Variants in RPS27A observed in about 807,000 individuals in gnomAD.
RPS27A encodes ubiquitin-ribosomal protein eS31 fusion protein.
In RPS27A, 1 loss-of-function variant was observed where a neutral mutation model predicts 18.9. That is an observed-to-expected ratio of 0.05 (90% confidence interval 0.02 to 0.25). The LOEUF is 0.25. Among genes scored for constraint, RPS27A ranks in the 10% least tolerant of loss-of-function variants. The pLI is 1.00. For missense variants in RPS27A, 123 were observed against 187.4 expected (o/e 0.66, Z 2.01); for synonymous variants, 77 against 63.7 (o/e 1.21, Z -0.99).
At position 55,233,244 on chromosome 2, in the gene RPS27A, T is replaced by G; in HGVS notation, c.49-119T>G. Reference sequence around the variant, plus strand: ...GGTTGCCCACTGGGTGGGTAATAGGTCTCTCGAGTAGGTCTCAGCCCTGTC... The same window carrying G: ...GGTTGCCCACTGGGTGGGTAATAGGGCTCTCGAGTAGGTCTCAGCCCTGTC... On this transcript the variant is annotated intron_variant, in intron 2 of 5. Coordinates refer to ENST00000272317, the MANE Select transcript of RPS27A (RefSeq NM_002954.6). 8.2e-6 allele frequency: 7 copies of G among 850,578 alleles called. No homozygotes were observed. In the South Asian group the frequency reaches 8.5e-5, roughly 10 times the overall value. The allele number at this position is 850,578 out of a possible 1,614,324, so 52.7% of individuals were successfully genotyped here.
chr2:55,232,982 C>A, intron 2 of RPS27A, 110 bp downstream of exon 2: 1 of 948,690 alleles, frequency 1.1e-6, no homozygotes, highest in Non-Finnish European at 1.7e-6. Flanking sequence ...AATTTGGGTT[C>A]TAAAACTTAA....
Position 55,235,001 on chromosome 2 carries a change from G to T in RPS27A, c.321+39G>T, listed in dbSNP as rs1269924530. The stretch of plus-strand genomic sequence containing the variant: ...AGGGCAGAATGTCAGCAAAGTCTTG[G>T]CTTATTTGGAAAACTTAATCTTTAT... On this transcript the variant is annotated intron_variant, in intron 5 of 5. Transcript: ENST00000272317. 4 of 1,607,782 alleles carry T rather than the reference G, an allele frequency of 2.5e-6. No homozygotes were observed. The African/African-American group carries it at 5.3e-5, about 21-fold the overall frequency.
At chr2:55,233,454 C>T (rs780883130) in intron 3 of RPS27A, 37 bp downstream of exon 3, 5 of 1,510,532 alleles carry the variant, frequency 3.3e-6, no homozygotes, top group East Asian at 2.3e-5. Context: ...ACTTAACCTG[C>T]GGAGACTTCG....
chr2:55,235,269 TTGTAGCAA>T (rs1377410223), intron 5 of RPS27A, 151 bp from the exon 6 acceptor site: 45 of 846,748 alleles, frequency 5.3e-5, no homozygotes, highest in Non-Finnish European at 7.7e-5. Context: ...AATGTTTTCA[TTGTAGCAA>T]TGATAACTGG....
chr2:55,233,584 A>AG, intron 3 of RPS27A, 167 bp downstream of exon 3: 1 of 659,172 alleles, frequency 1.5e-6, no homozygotes, highest in Non-Finnish European at 2.8e-6. Flanking sequence ...CACAGTACCT[A>AG]GATTGGAATC....
At chr2:55,232,500 A>AGTTT (rs1487456823), upstream of RPS27A, 1 of 448,472 alleles carries the variant, frequency 2.2e-6, no homozygotes, top group East Asian at 4.4e-5. Flanking sequence ...ACAGTTTCGA[A>AGTTT]AGCATTCCGA....
intron 3 of RPS27A, chr2:55,233,904 A>G (rs1675648588): frequency 9.8e-6 from 6 of 613,198 alleles, no homozygotes; most frequent in South Asian, 9.6e-5. Flanking sequence ...TATTGGTATT[A>G]CAGGTGTCAG....
intron 3 of RPS27A, chr2:55,233,794 A>G: frequency 2.1e-6 from 1 of 468,124 alleles, no homozygotes; most frequent in Admixed American, 3.4e-5. Flanking sequence ...ATGCCTGGCT[A>G]ATTTATTGTA....
Position 55,235,735 on chromosome 2 carries a change from C to A in RPS27A, c.*158C>A. The A allele has an allele frequency of 1.2e-6, 1 of 842,078 alleles. No individual in the cohort carries two copies. Among genetic ancestry groups the A allele is most frequent in the Non-Finnish European group, 1.9e-6 (1 of 525,274 alleles). 52.2% of individuals were successfully genotyped at this position (842,078 alleles called of 1,614,324 possible). A position where few individuals can be genotyped will look rare whatever the true frequency, so the allele number is the denominator to read the frequency against. ...AATGTTGCCTCTGGGGATTATGTGA[C>A]CCAGTGGTTCTGTATACCTGCCAGG... On this transcript the variant is annotated 3_prime_UTR_variant, in exon 6 of 6. Transcript: ENST00000272317.
intron 2 of RPS27A, 180 bp downstream of exon 2, chr2:55,233,052 G>A (rs951773640): frequency 2.9e-6 from 2 of 688,874 alleles, no homozygotes; most frequent in South Asian, 1.6e-5. Flanking sequence ...GGTGGCCAAA[G>A]GCTGGACCTG....
At chr2:55,233,451 C>G in intron 3 of RPS27A, 34 bp downstream of exon 3, 1 of 1,536,284 alleles carries the variant, frequency 6.5e-7, no homozygotes, top group Non-Finnish European at 9.0e-7. Flanking sequence ...AAAACTTAAC[C>G]TGCGGAGACT....
chr2:55,234,428 C>T (rs1675689310), intron 4 of RPS27A: 4 of 593,870 alleles, frequency 6.7e-6, no homozygotes, highest in Non-Finnish European at 1.2e-5. Flanking sequence ...TCTCAAACTC[C>T]TGGGCATAAG....
At chr2:55,234,368 C>T in intron 4 of RPS27A, 164 bp downstream of exon 4, 1 of 651,848 alleles carries the variant, frequency 1.5e-6, no homozygotes, top group Non-Finnish European at 2.8e-6. Flanking sequence ...CCTCCCACCT[C>T]AGCCTCCTGT....
chr2:55,232,379 T>C (rs1424378558), upstream of RPS27A: 2 of 280,410 alleles, frequency 7.1e-6, no homozygotes, highest in African/African-American at 4.4e-5. Context: ...CACTTCCATT[T>C]CCTACCTCTT....
Position 55,233,997 on chromosome 2 carries a change from C to T in RPS27A, c.104-122C>T, listed in dbSNP as rs967847922. 3.6e-5 allele frequency: 27 copies of T among 760,114 alleles called. No homozygotes were observed. In the African/African-American group the frequency reaches 3.9e-4, roughly 11 times the overall value. 47.1% of individuals were successfully genotyped at this position (760,114 alleles called of 1,614,324 possible). ...AAAGATTTAGAACCATGCCTAACCT[C>T]TAGTAAGGGCTTATTGTCAGCCTTT... On this transcript the variant is annotated intron_variant, in intron 3 of 5. Transcript: ENST00000272317.
chr2:55,232,698 C>T lies in RPS27A; in HGVS notation c.-28C>T, dbSNP rs1675527498. 7 of 855,234 alleles carry T rather than the reference C, an allele frequency of 8.2e-6. No homozygotes were observed. Among genetic ancestry groups the T allele is most frequent in the Non-Finnish European group, 1.4e-5 (7 of 513,848 alleles). 53.0% of individuals were successfully genotyped at this position (855,234 alleles called of 1,614,324 possible). On this transcript the variant is annotated 5_prime_UTR_variant, in exon 1 of 6. Transcript: ENST00000272317. ...TGCGCGGCGTTCTTCCTTTTCGATC[C>T]GCCATCTGCGGTGGGTGTCTGCACT...
At chr2:55,235,116 T>C in intron 5 of RPS27A, 154 bp downstream of exon 5, 2 of 872,084 alleles carry the variant, frequency 2.3e-6, no homozygotes, top group Non-Finnish European at 3.6e-6. Context: ...AAATTCAGAC[T>C]TTCTGGGGTT....
chr2:55,234,245 G>A (rs773070517), intron 4 of RPS27A, 41 bp downstream of exon 4: 12 of 1,407,706 alleles, frequency 8.5e-6, no homozygotes, highest in Admixed American at 1.7e-5. Flanking sequence ...AAAAAAAAAT[G>A]TTATTTTGGA....
rs762707912 is a variant in RPS27A, at chr2:55,232,875, AC to A, written c.48+4del. The A allele has an allele frequency of 6.2e-6, 10 of 1,610,494 alleles. No homozygotes were observed. The Admixed American group carries it at 8.4e-5, about 14-fold the overall frequency. On this transcript the variant is annotated splice_donor_region_variant and intron_variant, in intron 2 of 5. Coordinates refer to ENST00000272317, the MANE Select transcript of RPS27A (RefSeq NM_002954.6). ...CGGGGAAGACCATCACCCTCGAGGT[AC>A]GGGCCGGGTGGTCATGAGGAAGCCA...
Sources: allele counts gnomAD v4.1 joint callset, GRCh38; gene constraint gnomAD v4.1.1; transcripts MANE v1.5; gene names NCBI Gene and HGNC (gene_info 2026-07-23, HGNC 2026-07-21).